Variants in DICER1 observed in about 807,000 individuals in gnomAD.
DICER1 encodes endoribonuclease Dicer.
Under a neutral mutation model 194.1 loss-of-function variants are expected in DICER1, and 43 were observed. The ratio of observed to expected loss-of-function variants is 0.22; its 90% confidence interval spans 0.17 to 0.29. The LOEUF (loss-of-function observed/expected upper bound fraction) is 0.29, where lower values mean the gene tolerates loss of function less well. Ranked by LOEUF, DICER1 falls within the 10% of genes least tolerant of loss-of-function variation. The pLI is 1.00. For synonymous variants in DICER1, 832 were observed against 820.5 expected, an observed-to-expected ratio of 1.01 and a Z score of -0.24; for missense variants, 1,608 against 2,317.0, an observed-to-expected ratio of 0.69 and a Z score of 6.28.
rs2140021074 is a variant in DICER1, at chr14:95,107,772, A to C, written c.2651-11T>G. On this transcript the variant is annotated splice_polypyrimidine_tract_variant and intron_variant, in intron 16 of 26. Transcript: ENST00000343455. Reference sequence around the variant, plus strand: ...TGCTGGAGTCATTAACTTAGAAGAGAAAAACGACTCTTTAGCTTGTTAAAA... The same window carrying C: ...TGCTGGAGTCATTAACTTAGAAGAGCAAAACGACTCTTTAGCTTGTTAAAA... 1 of 1,610,710 alleles carries C rather than the reference A, an allele frequency of 6.2e-7. No individual in the cohort carries two copies. The highest frequency in any genetic ancestry group is 8.5e-7 in the Non-Finnish European group (1 of 1,177,516).
intron 8 of DICER1, among the ~76,000 whole-genome samples, chr14:95,120,344 T>C (rs889912875): frequency 3.3e-5 from 5 of 152,344 alleles, no homozygotes; most frequent in African/African-American, 1.2e-4. Context: ...ATCTACTGTG[T>C]GCTGGTTGAT....
rs1892122853 is a variant in DICER1, at chr14:95,113,101, G to A, written c.2031C>T (p.Ala677=). 3 of 1,613,682 alleles carry A rather than the reference G, an allele frequency of 1.9e-6. No homozygotes were observed. In the South Asian group the frequency reaches 3.3e-5, roughly 18 times the overall value. The part of the protein sequence containing the change: ...LYLPINSPLR[A]SIVGPPMSCV... ...CTTCTTCTAAACTTACAACAATGGA[G>A]GCTCGAAGAGGTGAGTTAATTGGCA... is the stretch of plus-strand genomic sequence containing the variant. Residue 677 remains alanine (A), a synonymous_variant, in exon 12 of 27, where the codon GCC becomes GCT. Coordinates refer to ENST00000343455, the MANE Select transcript of DICER1 (RefSeq NM_177438.3).
At chr14:95,110,127 A>G (rs1326186463) in intron 14 of DICER1, among the ~76,000 whole-genome samples, 2 of 152,210 alleles carry the variant, frequency 1.3e-5, no homozygotes, top group African/African-American at 4.8e-5. Flanking sequence ...CCTCCAGCAC[A>G]TTTCTGATCA....
intron 23 of DICER1, among the ~76,000 whole-genome samples, chr14:95,095,024 G>A (rs1890183591): frequency 6.6e-6 from 1 of 152,164 alleles, no homozygotes; most frequent in Non-Finnish European, 1.5e-5. Context: ...AGTTTCATCA[G>A]TCTTTCCAGT....
At position 95,090,519 on chromosome 14, in the gene DICER1, T is replaced by C. The variant is rs763651908; in HGVS notation, c.5748A>G (p.Gln1916=). The part of the protein sequence containing the change: ...RRALRSLKAN[Q]PQVPNS ...GGTTTCAGCTATTGGGAACCTGAGG[T>C]TGATTAGCTTTGAGGCTTCGGAGGG... The change falls in exon 27 of 27, where the codon CAA becomes CAG. Residue 1916 remains glutamine (Q), a synonymous_variant. Transcript: ENST00000343455. The C allele has an allele frequency of 1.8e-5, 29 of 1,613,946 alleles. No individual in the cohort carries two copies. Among genetic ancestry groups the C allele is most frequent in the Middle Eastern group, 1.7e-4 (1 of 5,984 alleles).
In DICER1 at chr14:95,089,160, A is replaced by G. The variant is rs1313040757; in HGVS notation, c.*1338T>C. The G allele has an allele frequency of 4.3e-6, 1 of 233,192 alleles. No individual in the cohort carries two copies. Among genetic ancestry groups the G allele is most frequent in the Non-Finnish European group, 8.5e-6 (1 of 117,988 alleles). The allele number at this position is 233,192 out of a possible 1,614,324, so 14.4% of individuals were successfully genotyped here. A position where few individuals can be genotyped will look rare whatever the true frequency, so the allele number is the denominator to read the frequency against. ...TGAGGTATTTAAGTGAAGAGTGCCT[A>G]CAAGTCTAATTAAAGAAACTTAGGC... On this transcript the variant is annotated 3_prime_UTR_variant, in exon 27 of 27. Coordinates refer to ENST00000343455, the MANE Select transcript of DICER1 (RefSeq NM_177438.3).
intron 1 of DICER1, among the ~76,000 whole-genome samples, chr14:95,142,977 T>C (rs1159192141): frequency 2.0e-5 from 3 of 152,222 alleles, no homozygotes; most frequent in Admixed American, 1.3e-4. Flanking sequence ...ATCCATGTTA[T>C]TATGCATCAC....
At position 95,106,235 on chromosome 14, in the gene DICER1, A is replaced by G. The variant is rs747770541; in HGVS notation, c.2805-12T>C. The G allele has an allele frequency of 6.2e-5, 99 of 1,600,204 alleles. No individual in the cohort carries two copies. Among genetic ancestry groups the G allele is most frequent in the Non-Finnish European group, 8.1e-5 (95 of 1,168,126 alleles). The stretch of plus-strand genomic sequence containing the variant: ...CAAAATTGCGATATCTAAAAAAGAA[A>G]AACAAAAAAACAATCAGTTGCTTTT... On this transcript the variant is annotated splice_polypyrimidine_tract_variant and intron_variant, in intron 17 of 26. Coordinates refer to ENST00000343455, the MANE Select transcript of DICER1 (RefSeq NM_177438.3).
intron 21 of DICER1, among the ~76,000 whole-genome samples, chr14:95,102,369 C>T (rs962080899): frequency 1.3e-5 from 2 of 152,182 alleles, no homozygotes; most frequent in Non-Finnish European, 2.9e-5. Context: ...TAAATTCCTT[C>T]AACAGTGCCT....
chr14:95,149,458 T>C (rs1595506540), intron 1 of DICER1, among the ~76,000 whole-genome samples: 1 of 152,106 alleles, frequency 6.6e-6, no homozygotes, highest in Non-Finnish European at 1.5e-5. Context: ...ACCCCACAAC[T>C]TTCCCTAAAA....
At chr14:95,113,645 C>T (rs932769685) in intron 11 of DICER1, among the ~76,000 whole-genome samples, 3 of 152,162 alleles carry the variant, frequency 2.0e-5, no homozygotes, top group Non-Finnish European at 4.4e-5. Context: ...CACCAACTAC[C>T]AGCACACATA....
chr14:95,122,623 G>A (rs1893028975), intron 8 of DICER1, among the ~76,000 whole-genome samples: 1 of 152,186 alleles, frequency 6.6e-6, no homozygotes, highest in Non-Finnish European at 1.5e-5. Context: ...CTCTGCCATT[G>A]ACTAGCAATT....
At chr14:95,117,864 T>C in intron 8 of DICER1, 110 bp from the exon 9 acceptor site, 1 of 1,003,670 alleles carries the variant, frequency 1.0e-6, no homozygotes, top group Non-Finnish European at 1.5e-6. Context: ...CAAACATACC[T>C]AACAAAACGG....
chr14:95,156,757 G>A (rs1250861417), intron 1 of DICER1, among the ~76,000 whole-genome samples: 1 of 152,172 alleles, frequency 6.6e-6, no homozygotes, highest in Non-Finnish European at 1.5e-5. Context: ...GAGGGACCGA[G>A]AGCCCAGCTT....
Position 95,142,857 on chromosome 14 carries a change from T to C in DICER1, c.-45-9354A>G, listed in dbSNP as rs1894903219. Among the ~76,000 whole-genome samples the C allele has an allele frequency of 2.0e-5, 3 of 152,210 alleles. No individual in the cohort carries two copies. The South Asian group carries it at 6.2e-4, about 32-fold the overall frequency. On this transcript the variant is annotated intron_variant, in intron 1 of 26. Coordinates refer to ENST00000343455, the MANE Select transcript of DICER1 (RefSeq NM_177438.3). ...TAAATGCAGTAACGAGGCTGTATCC[T>C]TTCACAGGCTAGTAGCAAGAAAGAG...
At chr14:95,100,825 G>T (rs535970298) in intron 21 of DICER1, among the ~76,000 whole-genome samples, 3 of 152,270 alleles carry the variant, frequency 2.0e-5, no homozygotes, top group East Asian at 3.9e-4. Flanking sequence ...CAACCCTGAG[G>T]GAACGATGGC....
chr14:95,156,416 C>T (rs1895868764), intron 1 of DICER1, among the ~76,000 whole-genome samples: 1 of 152,228 alleles, frequency 6.6e-6, no homozygotes, highest in South Asian at 2.1e-4. Flanking sequence ...GTTAACACTA[C>T]ACAAATAGGA....
rs1195908211 is a variant in DICER1 at position 95,105,220 on chromosome 14, T to C, written c.3120A>G (p.Ile1040Met). 1 of 1,613,576 alleles carries C rather than the reference T, an allele frequency of 6.2e-7. No homozygotes were observed. Among genetic ancestry groups the C allele is most frequent in the Non-Finnish European group, 8.5e-7 (1 of 1,179,978 alleles). ...KQILVPELCAIHPIPASLWRK... is the reference protein window; with the variant it reads ...KQILVPELCAMHPIPASLWRK... Reference sequence around the variant, plus strand: ...TCCACAGTGATGCTGGAATTGGATGTATAGCACAGAGTTCTGGAACCAGTA... The same window carrying C: ...TCCACAGTGATGCTGGAATTGGATGCATAGCACAGAGTTCTGGAACCAGTA... The change falls in exon 20 of 27, where the codon ATA becomes ATG. Residue 1040 changes from isoleucine (I) to methionine (M), a missense_variant. This residue lies in a region of DICER1 where 79 missense variants were observed against 176.1 expected (regional missense o/e 0.45). Coordinates refer to ENST00000343455, the MANE Select transcript of DICER1 (RefSeq NM_177438.3). The surrounding 1 kb of genome is among the most constrained non-coding windows in gnomAD (Gnocchi z 4.9).
At chr14:95,157,040 G>A (rs938547551) in intron 1 of DICER1, among the ~76,000 whole-genome samples, 190 bp downstream of exon 1, 25 of 151,950 alleles carry the variant, frequency 1.6e-4, no homozygotes, top group African/African-American at 6.0e-4. Context: ...GGCAGACGCC[G>A]GGTCCACAGG....
Sources: gnomAD v4.1 joint callset for allele counts (sites outside exome capture counted in the v4.1 genomes callset) on GRCh38, gnomAD v4.1.1 for gene constraint, gnomAD v4.1.1 regional missense constraint, Gnocchi (gnomAD v3.1) non-coding constraint, MANE v1.5 for transcripts, NCBI Gene and HGNC (gene_info 2026-07-23, HGNC 2026-07-21) for gene names.